CSGALNACT2: variants seen among roughly 807,000 people sequenced by gnomAD.
The protein encoded by CSGALNACT2 is chondroitin sulfate N-acetylgalactosaminyltransferase 2.
CSGALNACT2 carries 35 observed loss-of-function variants against 55.3 expected under a neutral mutation model. The observed-to-expected ratio is 0.63, with a 90% confidence interval of 0.48 to 0.84. The LOEUF (loss-of-function observed/expected upper bound fraction) is 0.84, where lower values mean the gene tolerates loss of function less well. Among genes scored for constraint, CSGALNACT2 ranks in the 40% least tolerant of loss-of-function variants. The probability of loss-of-function intolerance (pLI) is 0.00; values close to 1 mark genes in which losing one functional copy is unlikely to be tolerated. For missense variants in CSGALNACT2, 544 were observed against 657.5 expected (o/e 0.83, Z 1.89); for synonymous variants, 196 against 224.9 (o/e 0.87, Z 1.15).
intron 6 of CSGALNACT2, among the ~76,000 whole-genome samples, chr10:43,171,915 A>G (rs1352986335): frequency 6.6e-6 from 1 of 152,268 alleles, no homozygotes; most frequent in Non-Finnish European, 1.5e-5. Flanking sequence ...GATAATTCAC[A>G]TATTTAAATA....
intron 6 of CSGALNACT2, 138 bp from the exon 7 acceptor site, chr10:43,175,813 A>G (rs1473431042): frequency 5.5e-6 from 4 of 726,774 alleles, no homozygotes; most frequent in Non-Finnish European, 9.3e-6. Flanking sequence ...TTAATAACAT[A>G]AGTGCATGTG....
chr10:43,152,650 T>C (rs1588895924), intron 1 of CSGALNACT2, among the ~76,000 whole-genome samples: 1 of 152,196 alleles, frequency 6.6e-6, no homozygotes, highest in East Asian at 1.9e-4. Flanking sequence ...CTAAAATACA[T>C]TGTGTATATA....
intron 1 of CSGALNACT2, among the ~76,000 whole-genome samples, chr10:43,141,406 C>G (rs1016947293): frequency 5.3e-5 from 8 of 151,106 alleles, no homozygotes; most frequent in Non-Finnish European, 1.2e-4. Flanking sequence ...TTAGTAGAGA[C>G]GGGTTTCACC....
At chr10:43,143,648 A>G (rs1838681719) in intron 1 of CSGALNACT2, among the ~76,000 whole-genome samples, 1 of 152,180 alleles carries the variant, frequency 6.6e-6, no homozygotes. Context: ...GCCCAAGATT[A>G]CATAGCTATT....
chr10:43,155,866 G>A, intron 2 of CSGALNACT2, 56 bp downstream of exon 2: 1 of 1,358,374 alleles, frequency 7.4e-7, no homozygotes, highest in Non-Finnish European at 1.0e-6. Context: ...TGCTAGTATT[G>A]TATGCTGGTA....
chr10:43,160,314 G>T (rs1839116193), intron 3 of CSGALNACT2, among the ~76,000 whole-genome samples, 180 bp from the exon 4 acceptor site: 2 of 152,190 alleles, frequency 1.3e-5, no homozygotes, highest in African/African-American at 4.8e-5. Context: ...GGCCCTCCAA[G>T]GGGTGCACTC....
intron 2 of CSGALNACT2, among the ~76,000 whole-genome samples, chr10:43,156,350 G>A (rs577510435): frequency 6.6e-6 from 1 of 152,206 alleles, no homozygotes; most frequent in South Asian, 2.1e-4. Flanking sequence ...TTTCAGAAAG[G>A]GTATGGAATT....
intron 4 of CSGALNACT2, chr10:43,163,002 T>A: frequency 1.0e-6 from 1 of 985,328 alleles, no homozygotes; most frequent in Non-Finnish European, 1.2e-6. Flanking sequence ...TAAGATTCCG[T>A]TGACCCTTAT....
chr10:43,142,364 A>G (rs1014569316), intron 1 of CSGALNACT2, among the ~76,000 whole-genome samples: 1 of 151,994 alleles, frequency 6.6e-6, no homozygotes, highest in Non-Finnish European at 1.5e-5. Flanking sequence ...GGTGCATGCC[A>G]CCATGCCCGG....
chr10:43,156,351 G>A (rs1839008830), intron 2 of CSGALNACT2, among the ~76,000 whole-genome samples: 1 of 152,126 alleles, frequency 6.6e-6, no homozygotes, highest in South Asian at 2.1e-4. Context: ...TTCAGAAAGG[G>A]TATGGAATTT....
At chr10:43,142,716 C>T (rs1588888602) in intron 1 of CSGALNACT2, among the ~76,000 whole-genome samples, 1 of 152,084 alleles carries the variant, frequency 6.6e-6, no homozygotes, top group East Asian at 1.9e-4. Context: ...GTTTAGAGGT[C>T]AGAAATGGAC....
rs148476145 is a variant in CSGALNACT2, at chr10:43,180,491, G to A, written c.1337-2759G>A. On this transcript the variant is annotated intron_variant, in intron 7 of 7. Coordinates refer to ENST00000374466, the MANE Select transcript of CSGALNACT2 (RefSeq NM_018590.5). ...AGATCCATCTCACTGCTTATGTTCC[G>A]CATCTTGTGTGTTATCTGCTCTTTC... Among the ~76,000 whole-genome samples, 376 of 152,048 alleles carry A rather than the reference G, an allele frequency of 2.5e-3. 2 individuals carry two copies. The highest frequency in any genetic ancestry group is 8.3e-3 in the African/African-American group (346 of 41,476).
intron 1 of CSGALNACT2, among the ~76,000 whole-genome samples, chr10:43,151,541 C>T (rs1338225413): frequency 2.0e-5 from 3 of 152,152 alleles, no homozygotes; most frequent in Non-Finnish European, 2.9e-5. Flanking sequence ...TCTGTGTCCT[C>T]TAATTTTGTG....
At chr10:43,165,307 A>G (rs997274389) in intron 5 of CSGALNACT2, among the ~76,000 whole-genome samples, 3 of 152,186 alleles carry the variant, frequency 2.0e-5, no homozygotes, top group Non-Finnish European at 4.4e-5. Flanking sequence ...TATAGTTAAT[A>G]ACAATGTATT....
chr10:43,164,772 G>C (rs1839225167), intron 5 of CSGALNACT2, among the ~76,000 whole-genome samples: 1 of 151,596 alleles, frequency 6.6e-6, no homozygotes, highest in South Asian at 2.1e-4. Flanking sequence ...GCTTGAACCT[G>C]GGAGGCAAAG....
chr10:43,164,580 G>T (rs575002215), intron 5 of CSGALNACT2, among the ~76,000 whole-genome samples: 1 of 152,298 alleles, frequency 6.6e-6, no homozygotes, highest in African/African-American at 2.4e-5. Context: ...CAGGTGCAGG[G>T]GCTCACGCCT....
At chr10:43,170,302 A>G (rs2435385) in intron 6 of CSGALNACT2, among the ~76,000 whole-genome samples, 120,650 of 152,100 alleles carry the variant, frequency 0.79, 48,545 homozygotes, top group African/African-American at 0.91. Flanking sequence ...CTATTCTCCA[A>G]TCAAACGAGC....
intron 1 of CSGALNACT2, among the ~76,000 whole-genome samples, chr10:43,146,799 A>G (rs1838758714): frequency 6.6e-6 from 1 of 151,562 alleles, no homozygotes; most frequent in Non-Finnish European, 1.5e-5. Flanking sequence ...AAACTATTTT[A>G]TATTCCCATC....
At chr10:43,171,447 G>A (rs929061672) in intron 6 of CSGALNACT2, among the ~76,000 whole-genome samples, 9 of 150,988 alleles carry the variant, frequency 6.0e-5, no homozygotes, top group Non-Finnish European at 8.8e-5. Flanking sequence ...CCACCTTCCC[G>A]TTTCAAGCGA....
Sources: allele counts gnomAD v4.1 joint callset (sites outside exome capture counted in the v4.1 genomes callset), GRCh38; gene constraint gnomAD v4.1.1; transcripts MANE v1.5; gene names NCBI Gene and HGNC (gene_info 2026-07-23, HGNC 2026-07-21).